Variants in RASGEF1C observed in about 807,000 individuals in gnomAD.
RASGEF1C encodes the protein RasGEF domain family member 1C.
Under a neutral mutation model 58.1 loss-of-function variants are expected in RASGEF1C, and 27 were observed. That is an observed-to-expected ratio of 0.46 (90% CI 0.34 to 0.64). RASGEF1C has a LOEUF of 0.64. Ranked by LOEUF, RASGEF1C falls within the 30% of genes least tolerant of loss-of-function variation. The pLI is 0.01. For missense variants in RASGEF1C, 502 were observed against 605.1 expected (o/e 0.83, Z 1.79); for synonymous variants, 243 against 246.3 (o/e 0.99, Z 0.13).
chr5:180,193,895 G>A (rs1435340198), intron 1 of RASGEF1C, among the ~76,000 whole-genome samples: 1 of 152,202 alleles, frequency 6.6e-6, no homozygotes. Flanking sequence ...TTTGCTGTAA[G>A]CACCTAATAG....
At chr5:180,166,155 C>T (rs1767018230) in intron 1 of RASGEF1C, among the ~76,000 whole-genome samples, 1 of 152,192 alleles carries the variant, frequency 6.6e-6, no homozygotes, top group African/African-American at 2.4e-5. Context: ...TATTCCAACA[C>T]TTCAAGTGGA....
chr5:180,183,466 A>G (rs1755948949), intron 1 of RASGEF1C, among the ~76,000 whole-genome samples: 1 of 141,640 alleles, frequency 7.1e-6, no homozygotes, highest in Admixed American at 7.6e-5. Flanking sequence ...ATCATAAAAA[A>G]AAACCCAATT....
chr5:180,101,550 C>T (rs113476597), intron 13 of RASGEF1C, 25 bp from the exon 14 acceptor site: 39 of 1,610,610 alleles, frequency 2.4e-5, no homozygotes, highest in East Asian at 2.0e-4. Context: ...ATGTCGGGAG[C>T]GGTGAGAGCC....
rs552889031 is a variant in RASGEF1C at position 180,198,612 on chromosome 5, T to C, written c.-7+10416A>G. On this transcript the variant is annotated intron_variant, in intron 1 of 13. Transcript: ENST00000361132. The surrounding 1 kb of genome is among the most constrained non-coding windows in gnomAD (Gnocchi z 4.5). ...ACAGCTCCCTCATACCTCTTTCTTTTATAGGGGAACGAATTCCGTTTTTTA... is the reference window on the plus strand; with the variant it reads ...ACAGCTCCCTCATACCTCTTTCTTTCATAGGGGAACGAATTCCGTTTTTTA... Among the ~76,000 whole-genome samples the C allele has an allele frequency of 4.5e-4, 69 of 152,268 alleles. 1 individual carries two copies. The highest frequency in any genetic ancestry group is 1.6e-3 in the African/African-American group (66 of 41,562).
At position 180,168,376 on chromosome 5, in the gene RASGEF1C, T is replaced by C. The variant is rs966519021; in HGVS notation, c.-6-30318A>G. Among the ~76,000 whole-genome samples the C allele has an allele frequency of 6.6e-6, 1 of 152,106 alleles. No individual in the cohort carries two copies. Among genetic ancestry groups the C allele is most frequent in the Non-Finnish European group, 1.5e-5 (1 of 68,038 alleles). On this transcript the variant is annotated intron_variant, in intron 1 of 13. Transcript: ENST00000361132. This position sits in a 1 kb window ranked among gnomAD's most constrained non-coding sequence, Gnocchi z 6.0. ...TGAACCCGGGAGGTGGCGGTTGCCA[T>C]GAGCCGAGATGGCGCCACTGCACTC...
chr5:180,187,624 T>C (rs1756064135), intron 1 of RASGEF1C, among the ~76,000 whole-genome samples: 1 of 152,198 alleles, frequency 6.6e-6, no homozygotes, highest in South Asian at 2.1e-4. Flanking sequence ...ATTCTGAACA[T>C]ATAAATAACT....
At chr5:180,114,402 T>C in intron 11 of RASGEF1C, 44 bp downstream of exon 11, 1 of 1,589,424 alleles carries the variant, frequency 6.3e-7, no homozygotes, top group Non-Finnish European at 8.6e-7. Flanking sequence ...TGGGAACTTT[T>C]CCCGGCCTGT....
At chr5:180,136,675 C>T (rs2890347) in intron 3 of RASGEF1C, 160 bp from the exon 4 acceptor site, 111,479 of 705,130 alleles carry the variant, frequency 0.16, 9,716 homozygotes, top group African/African-American at 0.21. Context: ...TCTGCGCCCA[C>T]GGGGAGAGGA....
rs1582262577 is a variant in RASGEF1C at position 180,114,448 on chromosome 5, C to T, written c.1177G>A (p.Glu393Lys). Residue 393 changes from glutamate to lysine, a missense_variant and splice_region_variant, in exon 11 of 14, where the codon GAG becomes AAG. Glu to Lys is a moderately conservative substitution (Grantham distance 56). Transcript: ENST00000361132. ...GGCGGTCCACACGGAGGTCCTACCT[C>T]AAAGTTGACGTGTCCATTGGGAAGG... ...NRLPNGHVNF[E>K]KFLELAKQVG... 2 of 1,612,244 alleles carry T rather than the reference C, an allele frequency of 1.2e-6. No individual in the cohort carries two copies. Among genetic ancestry groups the T allele is most frequent in the Admixed American group, 3.3e-5 (2 of 59,950 alleles).
chr5:180,112,992 CGG>C (rs1765987892), intron 11 of RASGEF1C, among the ~76,000 whole-genome samples: 3 of 131,362 alleles, frequency 2.3e-5, no homozygotes, highest in East Asian at 2.6e-4. Flanking sequence ...CGGGGATGGA[CGG>C]AGGGATCCGG....
intron 1 of RASGEF1C, among the ~76,000 whole-genome samples, chr5:180,172,995 G>C (rs1385581450): frequency 1.3e-5 from 2 of 152,174 alleles, no homozygotes; most frequent in African/African-American, 2.4e-5. Flanking sequence ...ACCTGACCCT[G>C]GCAGCTGAGC....
In RASGEF1C at chr5:180,143,877, G is replaced by A. The variant is rs1367005396; in HGVS notation, c.-6-5819C>T. Among the ~76,000 whole-genome samples, 1 of 152,138 alleles carries A rather than the reference G, an allele frequency of 6.6e-6. No individual in the cohort carries two copies. Among genetic ancestry groups the A allele is most frequent in the Non-Finnish European group, 1.5e-5 (1 of 68,030 alleles). Reference sequence around the variant, plus strand: ...CTTGCAGAAGAAAAGCAGGTGGCTGGTCAGAGCGCGTCCTGGGGGCTGGAG... The same window carrying A: ...CTTGCAGAAGAAAAGCAGGTGGCTGATCAGAGCGCGTCCTGGGGGCTGGAG... On this transcript the variant is annotated intron_variant, in intron 1 of 13. Coordinates refer to ENST00000361132, the MANE Select transcript of RASGEF1C (RefSeq NM_175062.4). This position sits in a 1 kb window ranked among gnomAD's most constrained non-coding sequence, Gnocchi z 4.3.
chr5:180,190,068 G>A (rs922171430), intron 1 of RASGEF1C, among the ~76,000 whole-genome samples: 4 of 151,492 alleles, frequency 2.6e-5, no homozygotes, highest in African/African-American at 9.7e-5. Flanking sequence ...TGATCACAGG[G>A]CCAGGCGCAG....
intron 6 of RASGEF1C, among the ~76,000 whole-genome samples, chr5:180,122,755 A>AG (rs1283761777): frequency 6.9e-6 from 1 of 144,618 alleles, no homozygotes; most frequent in African/African-American, 2.6e-5. Flanking sequence ...AAAAAAAAAA[A>AG]AACTAAAACA....
intron 1 of RASGEF1C, among the ~76,000 whole-genome samples, chr5:180,161,353 G>A (rs933464640): frequency 2.0e-5 from 3 of 152,272 alleles, no homozygotes; most frequent in African/African-American, 7.2e-5. Context: ...GGAGACTGAG[G>A]TGGTTTCCTC....
chr5:180,176,008 C>G (rs1455968820), intron 1 of RASGEF1C, among the ~76,000 whole-genome samples: 1 of 152,132 alleles, frequency 6.6e-6, no homozygotes, highest in Non-Finnish European at 1.5e-5. Context: ...GAAAGGTATT[C>G]AAAGAAACAC....
intron 1 of RASGEF1C, among the ~76,000 whole-genome samples, chr5:180,179,919 T>G (rs1037275435): frequency 6.6e-6 from 1 of 152,198 alleles, no homozygotes; most frequent in Admixed American, 6.5e-5. Flanking sequence ...TTCCTGGCTT[T>G]GCGTCCGTCA....
At chr5:180,120,279 C>T (rs373744794) in intron 7 of RASGEF1C, among the ~76,000 whole-genome samples, 11 of 152,286 alleles carry the variant, frequency 7.2e-5, no homozygotes, top group South Asian at 2.1e-4. Flanking sequence ...AAGGGCAGTC[C>T]GCCCTGTGAT....
At chr5:180,192,222 C>A (rs7737438) in intron 1 of RASGEF1C, among the ~76,000 whole-genome samples, 91,288 of 152,078 alleles carry the variant, frequency 0.6, 28,899 homozygotes, top group East Asian at 0.87. Flanking sequence ...GGCTAACAAC[C>A]TAACAGGGCG....
Sources: allele counts gnomAD v4.1 joint callset (sites outside exome capture counted in the v4.1 genomes callset), GRCh38; gene constraint gnomAD v4.1.1; non-coding constraint Gnocchi (gnomAD v3.1); transcripts MANE v1.5; gene names NCBI Gene and HGNC (gene_info 2026-07-23, HGNC 2026-07-21).